TIA1: variants seen among roughly 807,000 people sequenced by gnomAD.
TIA1 encodes TIA1 cytotoxic granule associated RNA binding protein.
A neutral mutation model predicts 65.9 loss-of-function variants in TIA1; 23 were observed. The ratio of observed to expected loss-of-function variants is 0.35; its 90% confidence interval spans 0.25 to 0.49. The LOEUF (loss-of-function observed/expected upper bound fraction) is 0.49. TIA1 is among the 20% of genes least tolerant of loss of function. The pLI is 0.98. For synonymous variants in TIA1, 147 were observed against 149.4 expected (o/e 0.98, Z 0.12); for missense variants, 371 against 477.9 (o/e 0.78, Z 2.09).
At position 70,227,747 on chromosome 2, in the gene TIA1, A is replaced by C. The variant is rs1684429734; in HGVS notation, c.386T>G (p.Phe129Cys). The change falls in exon 6 of 13, where the codon TTT (phenylalanine) becomes TGT (cysteine). Residue 129 changes from phenylalanine (F) to cysteine (C), a missense_variant. Transcript: ENST00000433529. Reference protein sequence around the residue: ...TEDIKAAFAPFGRISDARVVK... With the variant: ...TEDIKAAFAPCGRISDARVVK... ...TTCTGTTACTTACGATATTCTTCCA[A>C]ATGGTGCAAAAGCAGCTTTTATATC... The C allele has an allele frequency of 1.3e-6, 2 of 1,589,480 alleles. No homozygotes were observed. Among genetic ancestry groups the C allele is most frequent in the Non-Finnish European group, 1.7e-6 (2 of 1,165,306 alleles).
chr2:70,229,161 C>T (rs1016015410), intron 4 of TIA1, 70 bp from the exon 5 acceptor site: 19 of 1,603,490 alleles, frequency 1.2e-5, no homozygotes, highest in Non-Finnish European at 1.4e-5. Context: ...CTTAGGATAA[C>T]GATCAAAACA....
At chr2:70,242,494 CAAAAAAA>C (rs11380260) in intron 1 of TIA1, among the ~76,000 whole-genome samples, 196 of 33,430 alleles carry the variant, frequency 5.9e-3, no homozygotes, top group Non-Finnish European at 7.9e-3. Flanking sequence ...GACTCAGTCT[CAAAAAAA>C]AAAAAAAAAA....
At chr2:70,245,489 G>A (rs1180076463) in intron 1 of TIA1, among the ~76,000 whole-genome samples, 5 of 152,174 alleles carry the variant, frequency 3.3e-5, no homozygotes, top group Admixed American at 1.3e-4. Context: ...AGTCTAGTGT[G>A]TAGCTTTTAG....
At chr2:70,223,945 G>C (rs1419331363) in intron 7 of TIA1, among the ~76,000 whole-genome samples, 1 of 151,832 alleles carries the variant, frequency 6.6e-6, no homozygotes, top group African/African-American at 2.4e-5. Context: ...TTTTGAGACA[G>C]GGTCTCACTC....
At chr2:70,228,978 A>C in intron 5 of TIA1, 81 bp downstream of exon 5, 6 of 472,582 alleles carry the variant, frequency 1.3e-5, no homozygotes, top group Non-Finnish European at 1.7e-5. Flanking sequence ...CCCTCCCCCA[A>C]ATATCAAACA....
intron 7 of TIA1, 40 bp from the exon 8 acceptor site, chr2:70,217,034 T>C: frequency 6.4e-7 from 1 of 1,562,010 alleles, no homozygotes; most frequent in Non-Finnish European, 8.6e-7. Flanking sequence ...GAAGTCACTA[T>C]TAGTTGATGT....
chr2:70,222,121 A>G (rs1398079876), intron 7 of TIA1, among the ~76,000 whole-genome samples: 1 of 149,626 alleles, frequency 6.7e-6, no homozygotes, highest in East Asian at 2.0e-4. Flanking sequence ...GCTGCTGTTA[A>G]AACAAAAACA....
intron 7 of TIA1, among the ~76,000 whole-genome samples, chr2:70,221,635 G>T (rs1245129358): frequency 6.6e-6 from 1 of 152,106 alleles, no homozygotes; most frequent in Non-Finnish European, 1.5e-5. Flanking sequence ...ATTGACAATT[G>T]TTCAGGGCTG....
intron 12 of TIA1, 121 bp from the exon 13 acceptor site, chr2:70,212,966 C>T: frequency 1.5e-6 from 1 of 668,952 alleles, no homozygotes. Flanking sequence ...TTCTTAATCC[C>T]AAATAGAATA....
intron 1 of TIA1, 62 bp from the exon 2 acceptor site, chr2:70,236,237 T>A: frequency 8.8e-7 from 1 of 1,135,152 alleles, no homozygotes; most frequent in Non-Finnish European, 1.3e-6. Flanking sequence ...TCACTCTTGT[T>A]GCCCAGGATA....
chr2:70,218,036 T>C (rs531831172), intron 7 of TIA1, among the ~76,000 whole-genome samples: 1 of 152,316 alleles, frequency 6.6e-6, no homozygotes, highest in African/African-American at 2.4e-5. Flanking sequence ...AGGGACACAC[T>C]GGTAAACAAG....
At chr2:70,222,337 G>C (rs1681816350) in intron 7 of TIA1, among the ~76,000 whole-genome samples, 1 of 152,166 alleles carries the variant, frequency 6.6e-6, no homozygotes, top group African/African-American at 2.4e-5. Flanking sequence ...ACACATGTTT[G>C]CCAAGACAGT....
chr2:70,244,605 G>A (rs1238148370), intron 1 of TIA1, among the ~76,000 whole-genome samples: 1 of 151,972 alleles, frequency 6.6e-6, no homozygotes, highest in African/African-American at 2.4e-5. Flanking sequence ...GGAGGCTGAG[G>A]CAGGCGGATC....
upstream of TIA1, chr2:70,248,743 G>A (rs1403671654): frequency 1.2e-5 from 5 of 404,594 alleles, no homozygotes; most frequent in African/African-American, 1.0e-4. Context: ...AGGTTCACTT[G>A]TTGCGCAGCC....
intron 7 of TIA1, among the ~76,000 whole-genome samples, chr2:70,220,930 C>T (rs1025880777): frequency 2.0e-5 from 3 of 151,278 alleles, no homozygotes; most frequent in Non-Finnish European, 4.4e-5. Flanking sequence ...CTTTGGGAGG[C>T]CAAGGCGGGC....
chr2:70,222,171 G>A (rs1006163065), intron 7 of TIA1, among the ~76,000 whole-genome samples: 3 of 152,042 alleles, frequency 2.0e-5, no homozygotes, highest in Non-Finnish European at 4.4e-5. Flanking sequence ...ATGAAGCAGT[G>A]GCAGCATAGG....
At chr2:70,237,563 A>G (rs1034496250) in intron 1 of TIA1, among the ~76,000 whole-genome samples, 9 of 151,832 alleles carry the variant, frequency 5.9e-5, no homozygotes, top group Admixed American at 5.3e-4. Context: ...TTAGTTATAT[A>G]AAATATCTTA....
At chr2:70,221,087 A>G (rs1192785903) in intron 7 of TIA1, among the ~76,000 whole-genome samples, 1 of 152,018 alleles carries the variant, frequency 6.6e-6, no homozygotes, top group African/African-American at 2.4e-5. Flanking sequence ...GCTCACTGCA[A>G]CCTTTGCCTC....
chr2:70,223,977 G>A (rs1050648017), intron 7 of TIA1, among the ~76,000 whole-genome samples: 34 of 152,008 alleles, frequency 2.2e-4, no homozygotes, highest in African/African-American at 7.5e-4. Flanking sequence ...CTGTGCTGTG[G>A]CATGATCTCG....
Sources: gnomAD v4.1 joint callset for allele counts (sites outside exome capture counted in the v4.1 genomes callset) on GRCh38, gnomAD v4.1.1 for gene constraint, MANE v1.5 for transcripts, NCBI Gene and HGNC (gene_info 2026-07-23, HGNC 2026-07-21) for gene names.